The following SYT1 variants were observed in gnomAD, a reference collection of about 807,000 sequenced individuals.
The protein encoded by SYT1 is synaptotagmin-1.
In SYT1, 8 loss-of-function variants were observed where a neutral mutation model predicts 44.8. The ratio of observed to expected loss-of-function variants is 0.18; its 90% CI spans 0.10 to 0.32. The LOEUF is 0.32. Ranked by LOEUF, SYT1 falls within the 10% of genes least tolerant of loss-of-function variation. The probability of loss-of-function intolerance (pLI) is 1.00; values close to 1 mark genes in which losing one functional copy is unlikely to be tolerated. For missense variants in SYT1, 286 were observed against 509.3 expected (o/e 0.56, Z 4.22); for synonymous variants, 154 against 188.8 (o/e 0.82, Z 1.51).
chr12:78,927,631 C>T (rs1877376308), intron 1 of SYT1, among the ~76,000 whole-genome samples: 1 of 152,038 alleles, frequency 6.6e-6, no homozygotes, highest in African/African-American at 2.4e-5. Context: ...ATCCTAATGA[C>T]TTTATTTTCC....
chr12:79,016,886 C>A (rs1463809031), intron 2 of SYT1, among the ~76,000 whole-genome samples: 1 of 151,910 alleles, frequency 6.6e-6, no homozygotes, highest in Non-Finnish European at 1.5e-5. Flanking sequence ...GGATGAAGGC[C>A]ACCATAAATC....
intron 3 of SYT1, among the ~76,000 whole-genome samples, chr12:79,201,673 C>T (rs1177046778): frequency 1.3e-5 from 2 of 152,140 alleles, no homozygotes; most frequent in Middle Eastern, 3.2e-3. Context: ...TATAACTAGA[C>T]TGATGAAATA....
At position 79,039,565 on chromosome 12, in the gene SYT1, T is replaced by G. The variant is rs1005973771; in HGVS notation, c.-83-7732T>G. ...AGAGCATAGATTAAGAATAAAATAG[T>G]TTTTTAATTGATTCTACCACATTTT... On this transcript the variant is annotated intron_variant, in intron 2 of 10. Coordinates refer to ENST00000261205, the MANE Select transcript of SYT1 (RefSeq NM_005639.3). 6.1e-5 allele frequency among the ~76,000 whole-genome samples: 6 copies of G among 98,168 alleles called. No individual in the cohort carries two copies. The Admixed American group carries it at 6.9e-4, about 11-fold the overall frequency. 64.4% of individuals were successfully genotyped at this position (98,168 alleles called of 152,430 possible). A position where few individuals can be genotyped will look rare whatever the true frequency, so the allele number is the denominator to read the frequency against.
chr12:79,218,632 T>C (rs960502970), intron 4 of SYT1, among the ~76,000 whole-genome samples: 1 of 152,214 alleles, frequency 6.6e-6, no homozygotes, highest in African/African-American at 2.4e-5. Context: ...GTATTATTTA[T>C]GTCCTGTGCC....
rs537075160 is a variant in SYT1, at chr12:79,102,458, G to A, written c.-18+55096G>A. 3.7e-4 allele frequency among the ~76,000 whole-genome samples: 57 copies of A among 152,268 alleles called. 1 individual carries two copies. In the Middle Eastern group the frequency reaches 0.01, roughly 27 times the overall value. On this transcript the variant is annotated intron_variant, in intron 3 of 10. Transcript: ENST00000261205. ...TAAGGGCCCCATCCAAAACAGTGCTGCTTCTAAGATGCAGCCACTCTACGC... is the reference window on the plus strand; with the variant it reads ...TAAGGGCCCCATCCAAAACAGTGCTACTTCTAAGATGCAGCCACTCTACGC...
chr12:79,064,857 C>T (rs982000192), intron 3 of SYT1, among the ~76,000 whole-genome samples: 1 of 151,258 alleles, frequency 6.6e-6, no homozygotes, highest in African/African-American at 2.4e-5. Context: ...CTCTCCTGCT[C>T]CAGTACTCTG....
At chr12:79,355,638 C>G (rs896442053) in intron 9 of SYT1, among the ~76,000 whole-genome samples, 1 of 152,050 alleles carries the variant, frequency 6.6e-6, no homozygotes, top group African/African-American at 2.4e-5. Context: ...TCATTTTCAC[C>G]AAATTGACCA....
intron 8 of SYT1, among the ~76,000 whole-genome samples, chr12:79,341,657 AT>A (rs1452994526): frequency 1.6e-5 from 2 of 127,334 alleles, no homozygotes; most frequent in East Asian, 4.8e-4. Context: ...AAATACATTC[AT>A]TCTTTTTTTT....
intron 8 of SYT1, among the ~76,000 whole-genome samples, chr12:79,323,529 C>A (rs146554242): frequency 6.6e-6 from 1 of 152,254 alleles, no homozygotes; most frequent in Admixed American, 6.5e-5. Context: ...ACACCGAAAA[C>A]GTCAGTCCAG....
chr12:79,037,095 A>G (rs17046280), intron 2 of SYT1, among the ~76,000 whole-genome samples: 30,270 of 151,722 alleles, frequency 0.2, 3,361 homozygotes, highest in East Asian at 0.3. Flanking sequence ...GAGACCAACC[A>G]AAGCCCCCCC....
intron 4 of SYT1, among the ~76,000 whole-genome samples, chr12:79,276,826 G>A (rs1878757381): frequency 6.6e-6 from 1 of 151,630 alleles, no homozygotes; most frequent in South Asian, 2.1e-4. Context: ...AACCCAATCA[G>A]ACAAAAATAA....
Position 79,291,169 on chromosome 12 carries a change from G to A in SYT1, c.352-839G>A, listed in dbSNP as rs189883804. ...GAGCTTTCTAATATTTCCATTTATA[G>A]TACACTTAAGTTTTAGGTTATAAAG... On this transcript the variant is annotated intron_variant, in intron 5 of 10. Coordinates refer to ENST00000261205, the MANE Select transcript of SYT1 (RefSeq NM_005639.3). Among the ~76,000 whole-genome samples the A allele has an allele frequency of 2.6e-4, 40 of 152,268 alleles. No homozygotes were observed. The East Asian group carries it at 6.9e-3, about 26-fold the overall frequency.
intron 2 of SYT1, among the ~76,000 whole-genome samples, chr12:79,025,268 A>G (rs1872455131): frequency 6.6e-6 from 1 of 151,772 alleles, no homozygotes; most frequent in African/African-American, 2.4e-5. Flanking sequence ...TTTTACTTCA[A>G]TGTGAATCAT....
At chr12:78,955,737 T>C (rs1879175645) in intron 1 of SYT1, among the ~76,000 whole-genome samples, 1 of 150,710 alleles carries the variant, frequency 6.6e-6, no homozygotes, top group East Asian at 2.0e-4. Context: ...GAAAGAAACT[T>C]TTTTTTTTGC....
intron 1 of SYT1, among the ~76,000 whole-genome samples, chr12:78,914,177 T>C (rs961669544): frequency 6.6e-6 from 1 of 151,812 alleles, no homozygotes; most frequent in Non-Finnish European, 1.5e-5. Context: ...TATATATATA[T>C]AAAAGTAAAT....
intron 8 of SYT1, among the ~76,000 whole-genome samples, chr12:79,340,028 A>G (rs934872259): frequency 1.3e-5 from 2 of 152,080 alleles, no homozygotes; most frequent in African/African-American, 4.8e-5. Flanking sequence ...CCATTGGTCT[A>G]TATGTCTGTT....
intron 9 of SYT1, among the ~76,000 whole-genome samples, chr12:79,399,130 A>G (rs1234420324): frequency 3.3e-5 from 5 of 152,158 alleles, no homozygotes; most frequent in Non-Finnish European, 7.3e-5. Flanking sequence ...CTATTATTTC[A>G]GTGACATTTA....
At chr12:79,381,885 A>C (rs1236566388) in intron 9 of SYT1, among the ~76,000 whole-genome samples, 1 of 152,150 alleles carries the variant, frequency 6.6e-6, no homozygotes, top group African/African-American at 2.4e-5. Context: ...AATAAACACT[A>C]ATTATAGAGT....
intron 1 of SYT1, among the ~76,000 whole-genome samples, chr12:78,868,343 C>A (rs1265980901): frequency 6.6e-6 from 1 of 151,786 alleles, no homozygotes; most frequent in East Asian, 1.9e-4. Context: ...GTCTTGCATG[C>A]ATTCTGCAGA....
Sources: gnomAD v4.1 joint callset for allele counts (sites outside exome capture counted in the v4.1 genomes callset) on GRCh38, gnomAD v4.1.1 for gene constraint, MANE v1.5 for transcripts, NCBI Gene and HGNC (gene_info 2026-07-23, HGNC 2026-07-21) for gene names.